The following AGBL1 variants were observed in gnomAD, a reference collection of about 807,000 sequenced individuals.
The protein encoded by AGBL1 is AGBL carboxypeptidase 1, also known as cytosolic carboxypeptidase 4.
A neutral mutation model predicts 118.9 loss-of-function variants in AGBL1; 130 were observed. That is an observed-to-expected ratio of 1.09 (90% CI 0.95 to 1.26). AGBL1 has a LOEUF of 1.26. Among genes scored for constraint, AGBL1 ranks in the 50% most tolerant of loss-of-function variants. The probability of loss-of-function intolerance (pLI) is 0.00; values close to 1 mark genes in which losing one functional copy is unlikely to be tolerated. For synonymous variants in AGBL1, 555 were observed against 478.9 expected, an observed-to-expected ratio of 1.16 and a Z score of -2.08; for missense variants, 1,584 against 1,298.1, an observed-to-expected ratio of 1.22 and a Z score of -3.38.
chr15:86,716,241 C>T (rs1256917035), intron 22 of AGBL1, among the ~76,000 whole-genome samples: 3 of 152,086 alleles, frequency 2.0e-5, no homozygotes, highest in Admixed American at 1.3e-4. Context: ...AGATGCTATA[C>T]ACTGCAGAGT....
intron 1 of AGBL1, chr15:86,138,368 G>T (rs1044338939): frequency 6.6e-6 from 1 of 152,216 alleles, no homozygotes; most frequent in Non-Finnish European, 1.5e-5. Flanking sequence ...ATCATTCATG[G>T]ATCTGGCTGG....
chr15:86,816,478 G>A (rs1038761258), intron 22 of AGBL1, among the ~76,000 whole-genome samples: 7 of 152,208 alleles, frequency 4.6e-5, no homozygotes, highest in African/African-American at 1.7e-4. Flanking sequence ...ATATCAGGAG[G>A]ATAGGTTAAA....
At chr15:86,391,013 G>T (rs1202382740) in intron 17 of AGBL1, among the ~76,000 whole-genome samples, 1 of 144,662 alleles carries the variant, frequency 6.9e-6, no homozygotes, top group Non-Finnish European at 1.5e-5. Flanking sequence ...AAGCACTATG[G>T]TGATAAAAAA....
At chr15:86,934,707 T>C (rs567079177) in intron 23 of AGBL1, among the ~76,000 whole-genome samples, 36 of 152,206 alleles carry the variant, frequency 2.4e-4, no homozygotes, top group African/African-American at 8.7e-4. Flanking sequence ...TTCAACAGTA[T>C]CTGGCTCAAA....
intron 17 of AGBL1, among the ~76,000 whole-genome samples, chr15:86,328,874 C>A (rs2080227672): frequency 6.6e-6 from 1 of 152,206 alleles, no homozygotes; most frequent in Non-Finnish European, 1.5e-5. Flanking sequence ...GGACAGGACA[C>A]CGTTTTTAAT....
chr15:86,925,088 T>G (rs4887248), intron 23 of AGBL1, among the ~76,000 whole-genome samples: 1 of 141,186 alleles, frequency 7.1e-6, no homozygotes, highest in African/African-American at 2.7e-5. Context: ...TGTGACAGAG[T>G]GAGACTCTGT....
At chr15:86,922,557 G>T (rs558781958) in intron 23 of AGBL1, among the ~76,000 whole-genome samples, 3 of 152,154 alleles carry the variant, frequency 2.0e-5, no homozygotes, top group African/African-American at 7.2e-5. Flanking sequence ...CTCCCAAAAT[G>T]TTGGAATTAC....
At chr15:86,158,524 T>C (rs1249971038) in intron 4 of AGBL1, among the ~76,000 whole-genome samples, 2 of 152,192 alleles carry the variant, frequency 1.3e-5, no homozygotes, top group Non-Finnish European at 2.9e-5. Context: ...GTACTGGGAA[T>C]GTTGGAGAGA....
intron 23 of AGBL1, among the ~76,000 whole-genome samples, chr15:86,930,324 G>A (rs2080590375): frequency 6.6e-6 from 1 of 152,098 alleles, no homozygotes; most frequent in African/African-American, 2.4e-5. Context: ...AGGATGAAGT[G>A]ATGCATGTGA....
intron 1 of AGBL1, among the ~76,000 whole-genome samples, chr15:86,123,487 G>C (rs988657371): frequency 1.3e-5 from 2 of 152,178 alleles, no homozygotes; most frequent in African/African-American, 4.8e-5. Context: ...TGATCCGCCT[G>C]CCTCGGCCTC....
intron 18 of AGBL1, among the ~76,000 whole-genome samples, chr15:86,416,694 C>T (rs183912539): frequency 2.8e-4 from 42 of 152,186 alleles, no homozygotes; most frequent in South Asian, 6.2e-4. Flanking sequence ...TGTAATGTAA[C>T]GGATATCATC....
rs189300977 is a variant in AGBL1, at chr15:86,140,558, G to A, written c.52-1446G>A. Among the ~76,000 whole-genome samples, 362 of 152,252 alleles carry A rather than the reference G, an allele frequency of 2.4e-3. 1 individual carries two copies. Among genetic ancestry groups the A allele is most frequent in the African/African-American group, 8.4e-3 (351 of 41,544 alleles). On this transcript the variant is annotated intron_variant, in intron 1 of 22. Transcript: ENST00000614907. Reference sequence around the variant, plus strand: ...CTTTAAATATCTTCATACCTAGTGGGGGTGGAGTGGGAAGCAAGATTATAC... The same window carrying A: ...CTTTAAATATCTTCATACCTAGTGGAGGTGGAGTGGGAAGCAAGATTATAC...
intron 1 of AGBL1, among the ~76,000 whole-genome samples, chr15:86,121,834 C>T: frequency 6.6e-6 from 1 of 152,198 alleles, no homozygotes; most frequent in East Asian, 1.9e-4. Context: ...TTTCGTTCCA[C>T]AGTGTGGTAT....
In AGBL1 at chr15:86,480,100, G is replaced by T. The variant is rs148162221; in HGVS notation, c.2556-42710G>T. On this transcript the variant is annotated intron_variant, in intron 18 of 22. Coordinates refer to ENST00000614907, the MANE Select transcript of AGBL1 (RefSeq NM_001386094.1). The stretch of plus-strand genomic sequence containing the variant: ...GGGGCCTGTTGTGGGGTGGGGAGAG[G>T]GGGGAGGGATAGCATTAGGAAATAT... Among the ~76,000 whole-genome samples the T allele has an allele frequency of 1.8e-3, 267 of 152,194 alleles. 8 individuals carry two copies. The South Asian group carries it at 0.053, about 30-fold the overall frequency.
intron 23 of AGBL1, among the ~76,000 whole-genome samples, chr15:86,986,525 C>A (rs2081284313): frequency 6.9e-6 from 1 of 145,850 alleles, no homozygotes; most frequent in African/African-American, 2.5e-5. Context: ...TCAGCTTATC[C>A]ATTTCTACAA....
At chr15:86,973,525 A>C (rs1024028034) in intron 23 of AGBL1, among the ~76,000 whole-genome samples, 1 of 151,380 alleles carries the variant, frequency 6.6e-6, no homozygotes, top group Non-Finnish European at 1.5e-5. Flanking sequence ...TTGGCCTAGC[A>C]TGATCGGAAA....
chr15:86,679,211 T>G (rs762731301), intron 22 of AGBL1, among the ~76,000 whole-genome samples: 2 of 152,110 alleles, frequency 1.3e-5, no homozygotes, highest in African/African-American at 2.4e-5. Context: ...ATCTGATATT[T>G]TTATTTACTG....
chr15:87,029,798 G>C (rs1018400838), downstream of AGBL1, among the ~76,000 whole-genome samples: 5 of 151,586 alleles, frequency 3.3e-5, no homozygotes, highest in Non-Finnish European at 7.4e-5. Flanking sequence ...CATAGAATAA[G>C]GTGCACATAC....
intron 22 of AGBL1, among the ~76,000 whole-genome samples, chr15:86,886,218 G>A (rs2079969342): frequency 6.6e-6 from 1 of 152,180 alleles, no homozygotes; most frequent in African/African-American, 2.4e-5. Context: ...GCATACAAAT[G>A]TTTGTAGTTT....
Sources: allele counts gnomAD v4.1 joint callset (sites outside exome capture counted in the v4.1 genomes callset), GRCh38; gene constraint gnomAD v4.1.1; transcripts MANE v1.5; gene names NCBI Gene and HGNC (gene_info 2026-07-23, HGNC 2026-07-21).